CEACAM3: variants seen among roughly 807,000 people sequenced by gnomAD.
CEACAM3 encodes the protein cell adhesion molecule CEACAM3.
CEACAM3 carries 32 observed loss-of-function variants against 30.1 expected under a neutral mutation model. The ratio of observed to expected loss-of-function variants is 1.06; its 90% CI spans 0.80 to 1.43. CEACAM3 has a LOEUF of 1.43. Ranked by LOEUF, CEACAM3 falls within the 40% of genes most tolerant of loss-of-function variation. The probability of loss-of-function intolerance (pLI) is 0.00; values close to 1 mark genes in which losing one functional copy is unlikely to be tolerated. For synonymous variants in CEACAM3, 134 were observed against 127.2 expected (o/e 1.05, Z -0.36); for missense variants, 290 against 316.3 (o/e 0.92, Z 0.63).
In CEACAM3 at chr19:41,796,725, G is replaced by A; in HGVS notation, c.48G>A (p.Gln16=). The stretch of plus-strand genomic sequence containing the variant: ...CCCACAGAGAATGCATCCCCTGGCA[G>A]GGGCTTCTGCTCACAGGTGAGTGGA... The part of the protein sequence containing the change: ...ASPHRECIPW[Q]GLLLTASLLN... Residue 16 remains glutamine (Q), a synonymous_variant, in exon 1 of 7, where the codon CAG becomes CAA. Coordinates refer to ENST00000357396, the MANE Select transcript of CEACAM3 (RefSeq NM_001815.5). 1 of 1,613,634 alleles carries A rather than the reference G, an allele frequency of 6.2e-7. No individual in the cohort carries two copies. Among genetic ancestry groups the A allele is most frequent in the Non-Finnish European group, 8.5e-7 (1 of 1,179,700 alleles).
At position 41,797,814 on chromosome 19, in the gene CEACAM3, G is replaced by A. The variant is rs781968363; in HGVS notation, c.290G>A (p.Gly97Asp). 26 of 1,612,860 alleles carry A rather than the reference G, an allele frequency of 1.6e-5. No homozygotes were observed. In the South Asian group the frequency reaches 2.5e-4, roughly 16 times the overall value. The change falls in exon 2 of 7, where the codon GGT (glycine) becomes GAT (aspartate). Residue 97 changes from glycine (G) to aspartate (D), a missense_variant. Coordinates refer to ENST00000357396, the MANE Select transcript of CEACAM3 (RefSeq NM_001815.5). ...QQATPGAAYS[G>D]RETIYTNASL... ...GCTACCCCAGGGGCCGCATACAGCGGTCGAGAGACAATATACACCAATGCA... is the reference window on the plus strand; with the variant it reads ...GCTACCCCAGGGGCCGCATACAGCGATCGAGAGACAATATACACCAATGCA...
At chr19:41,807,321 C>G in intron 2 of CEACAM3, 1 of 1,607,978 alleles carries the variant, frequency 6.2e-7, no homozygotes, top group South Asian at 1.1e-5. Flanking sequence ...GACACAGGAC[C>G]CTATGAGTGT....
At chr19:41,802,399 T>G (rs2073157872) in intron 2 of CEACAM3, among the ~76,000 whole-genome samples, 1 of 152,330 alleles carries the variant, frequency 6.6e-6, no homozygotes, top group Non-Finnish European at 1.5e-5. Context: ...GCCTCGGTGT[T>G]AATTGCCCCG....
At chr19:41,804,232 C>T (rs1555826411) in intron 2 of CEACAM3, among the ~76,000 whole-genome samples, 2 of 151,978 alleles carry the variant, frequency 1.3e-5, no homozygotes, top group African/African-American at 4.8e-5. Flanking sequence ...CCAGGTGGAG[C>T]TGGCCAGCCC....
At chr19:41,809,905 G>A (rs2073234693) in intron 3 of CEACAM3, 60 bp from the exon 4 acceptor site, 10 of 1,564,810 alleles carry the variant, frequency 6.4e-6, no homozygotes, top group African/African-American at 2.7e-5. Context: ...TCCCCTGTTC[G>A]AACTCCAAAG....
At chr19:41,807,244 G>A (rs782809804) in intron 2 of CEACAM3, 50 of 1,608,964 alleles carry the variant, frequency 3.1e-5, no homozygotes, top group Admixed American at 8.4e-5. Flanking sequence ...AGAGCCTCCC[G>A]GTCAGTTCCA....
In CEACAM3 at chr19:41,808,931, G is replaced by A. The variant is rs368228701; in HGVS notation, c.542+1G>A. The A allele has an allele frequency of 2.6e-6, 4 of 1,565,852 alleles. No individual in the cohort carries two copies. Among genetic ancestry groups the A allele is most frequent in the East Asian group, 2.3e-5 (1 of 42,682 alleles). ...TCCTGCTCCTTGCCAAAACTGGAAG[G>A]TACCACAGCTTTTTCCCATCCTTCT... On this transcript the variant is annotated splice_donor_variant, in intron 3 of 6. Coordinates refer to ENST00000357396, the MANE Select transcript of CEACAM3 (RefSeq NM_001815.5). LOFTEE classifies it high-confidence loss of function.
intron 2 of CEACAM3, among the ~76,000 whole-genome samples, chr19:41,806,249 C>T (rs1419299858): frequency 6.6e-6 from 1 of 152,048 alleles, no homozygotes; most frequent in Non-Finnish European, 1.5e-5. Context: ...AGGCTGGTCT[C>T]GAACTCCTGA....
At chr19:41,797,533 A>G (rs528850194) in intron 1 of CEACAM3, 56 bp from the exon 2 acceptor site, 1 of 1,565,416 alleles carries the variant, frequency 6.4e-7, no homozygotes, top group East Asian at 2.2e-5. Flanking sequence ...CCAGGGCCCC[A>G]TCTTTCCATC....
chr19:41,811,180 A>G lies in CEACAM3; in HGVS notation c.702A>G (p.Leu234=). The change falls in exon 7 of 7, where the codon CTA becomes CTG. Residue 234 remains leucine (L), a synonymous_variant. Coordinates refer to ENST00000357396, the MANE Select transcript of CEACAM3 (RefSeq NM_001815.5). ...CTTCTCTGTTTTAACAGGAATTGCT[A>G]AAACATGACACAAACATTTACTGCC... ...RTAASIYEEL[L]KHDTNIYCRM... 4.3e-6 allele frequency: 7 copies of G among 1,614,070 alleles called. No individual in the cohort carries two copies. The highest frequency in any genetic ancestry group is 5.9e-6 in the Non-Finnish European group (7 of 1,179,980).
At chr19:41,797,012 T>C in intron 1 of CEACAM3, 1 of 369,404 alleles carries the variant, frequency 2.7e-6, no homozygotes, top group Non-Finnish European at 4.9e-6. Flanking sequence ...TACATCAGGG[T>C]GATACTTTAA....
chr19:41,801,660 G>A lies in CEACAM3; in HGVS notation c.424+3712G>A, dbSNP rs113099599. On this transcript the variant is annotated intron_variant, in intron 2 of 6. Coordinates refer to ENST00000357396, the MANE Select transcript of CEACAM3 (RefSeq NM_001815.5). ...AGGGAATGGGGAAAGCTGATTGGTTGGGGATAAAATCATAGGGATGTGGCA... is the reference window on the plus strand; with the variant it reads ...AGGGAATGGGGAAAGCTGATTGGTTAGGGATAAAATCATAGGGATGTGGCA... 4.1e-3 allele frequency among the ~76,000 whole-genome samples: 628 copies of A among 152,268 alleles called. 6 individuals are homozygous for A. The highest frequency in any genetic ancestry group is 1.0e-2 in the African/African-American group (414 of 41,546).
At position 41,796,634 on chromosome 19, in the gene CEACAM3, C is replaced by A; in HGVS notation, c.-44C>A. On this transcript the variant is annotated 5_prime_UTR_variant, in exon 1 of 7. Transcript: ENST00000357396. ...CCCTGACTACAGCATTCCTGGAGCC[C>A]AGGCTCTTTTCCACAGAGGAGGAAA... The A allele has an allele frequency of 1.2e-6, 2 of 1,608,546 alleles. No individual in the cohort carries two copies. The highest frequency in any genetic ancestry group is 8.5e-7 in the Non-Finnish European group (1 of 1,174,952).
intron 2 of CEACAM3, among the ~76,000 whole-genome samples, chr19:41,800,676 CTT>C (rs1318990545): frequency 2.0e-5 from 3 of 152,296 alleles, no homozygotes; most frequent in East Asian, 3.9e-4. Context: ...CTGTCTTTCT[CTT>C]TGTCTCCTCT....
intron 3 of CEACAM3, chr19:41,809,166 C>G (rs995418013): frequency 1.2e-5 from 3 of 241,278 alleles, no homozygotes; most frequent in Non-Finnish European, 1.6e-5. Flanking sequence ...GAGTGTGGCC[C>G]TAGTTCCCTC....
intron 2 of CEACAM3, among the ~76,000 whole-genome samples, chr19:41,806,779 C>T (rs143266843): frequency 1.0e-3 from 154 of 152,218 alleles, no homozygotes; most frequent in African/African-American, 3.6e-3. Flanking sequence ...CTCTGCCTCC[C>T]GGGTTCACAC....
intron 2 of CEACAM3, among the ~76,000 whole-genome samples, chr19:41,804,865 A>G (rs900295306): frequency 6.6e-5 from 10 of 151,874 alleles, no homozygotes; most frequent in African/African-American, 2.4e-4. Flanking sequence ...TAGTGAGATC[A>G]TAACTCCTTT....
At chr19:41,798,892 C>T (rs1267367216) in intron 2 of CEACAM3, among the ~76,000 whole-genome samples, 6 of 152,168 alleles carry the variant, frequency 3.9e-5, no homozygotes, top group Admixed American at 6.5e-5. Context: ...AGACAGTCAC[C>T]GACTAGGGTC....
intron 2 of CEACAM3, among the ~76,000 whole-genome samples, chr19:41,800,015 G>A (rs140520053): frequency 0.029 from 4,465 of 152,200 alleles, 89 homozygotes; most frequent in Non-Finnish European, 0.042. Flanking sequence ...AGGCGCCGAG[G>A]CAAGAGACCA....
Sources: allele counts gnomAD v4.1 joint callset (sites outside exome capture counted in the v4.1 genomes callset), GRCh38; gene constraint gnomAD v4.1.1; transcripts MANE v1.5; gene names NCBI Gene and HGNC (gene_info 2026-07-23, HGNC 2026-07-21).